WWOX: variants seen among roughly 807,000 people sequenced by gnomAD.
WWOX encodes the protein WW domain containing oxidoreductase.
In WWOX, 69 loss-of-function variants were observed where a neutral mutation model predicts 46.2. That is an observed-to-expected ratio of 1.49 (90% CI 1.23 to 1.82). The LOEUF (loss-of-function observed/expected upper bound fraction) is 1.82, where lower values mean the gene tolerates loss of function less well. Ranked by LOEUF, WWOX falls within the 40% of genes most tolerant of loss-of-function variation. The pLI is 0.00. For synonymous variants in WWOX, 359 were observed against 202.6 expected, an observed-to-expected ratio of 1.77 and a Z score of -6.56; for missense variants, 919 against 542.6, an observed-to-expected ratio of 1.69 and a Z score of -6.89.
intron 5 of WWOX, among the ~76,000 whole-genome samples, chr16:78,164,663 C>G (rs2034913947): frequency 6.6e-6 from 1 of 152,144 alleles, no homozygotes; most frequent in Non-Finnish European, 1.5e-5. Context: ...TAATTTCTTA[C>G]TTTTCTCTGT....
intron 5 of WWOX, among the ~76,000 whole-genome samples, chr16:78,365,573 TC>T (rs1456417879): frequency 6.6e-6 from 1 of 152,164 alleles, no homozygotes; most frequent in Non-Finnish European, 1.5e-5. Context: ...ATTCTGGAAT[TC>T]CCTGAATCAT....
intron 8 of WWOX, among the ~76,000 whole-genome samples, chr16:78,435,210 C>A (rs2083307236): frequency 1.3e-5 from 2 of 152,058 alleles, no homozygotes; most frequent in South Asian, 4.2e-4. Context: ...GGGGAGGATG[C>A]ACAATGAATT....
chr16:78,413,292 G>A (rs2082724685), intron 6 of WWOX, among the ~76,000 whole-genome samples: 1 of 152,180 alleles, frequency 6.6e-6, no homozygotes, highest in Non-Finnish European at 1.5e-5. Flanking sequence ...TCCATGTGAA[G>A]AGACCACCAA....
chr16:79,033,306 A>T (rs1193631128), intron 8 of WWOX, among the ~76,000 whole-genome samples: 1 of 148,438 alleles, frequency 6.7e-6, no homozygotes, highest in Non-Finnish European at 1.5e-5. Context: ...ACATATGTAT[A>T]TATGTATGTA....
At chr16:78,380,939 G>A (rs796715158) in intron 5 of WWOX, among the ~76,000 whole-genome samples, 1 of 152,120 alleles carries the variant, frequency 6.6e-6, no homozygotes, top group East Asian at 1.9e-4. Context: ...TGTGTGGCTT[G>A]TACCTTATAT....
intron 8 of WWOX, among the ~76,000 whole-genome samples, chr16:78,962,444 A>G (rs2046289398): frequency 6.6e-6 from 1 of 151,390 alleles, no homozygotes; most frequent in Middle Eastern, 3.4e-3. Context: ...TTGTAGGCCA[A>G]GCTTACTCTC....
At chr16:78,909,364 A>G (rs2045049450) in intron 8 of WWOX, among the ~76,000 whole-genome samples, 1 of 152,168 alleles carries the variant, frequency 6.6e-6, no homozygotes, top group Admixed American at 6.5e-5. Flanking sequence ...AGCCTCATGT[A>G]TTCTCTGTTC....
intron 8 of WWOX, among the ~76,000 whole-genome samples, chr16:78,816,971 G>C (rs186252642): frequency 1.6e-3 from 239 of 152,058 alleles, no homozygotes; most frequent in Non-Finnish European, 2.6e-3. Flanking sequence ...AAATACCTTG[G>C]GCCTGAGCTA....
Position 79,133,188 on chromosome 16 carries a change from C to T in WWOX, c.1057-78420C>T, listed in dbSNP as rs937524975. Among the ~76,000 whole-genome samples, 8 of 152,174 alleles carry T rather than the reference C, an allele frequency of 5.3e-5. No individual in the cohort carries two copies. In the South Asian group the frequency reaches 1.0e-3, roughly 20 times the overall value. ...TAACAACTTTATTTATGTAATTAAG[C>T]GAGTGAAGTCATACATTTTATTGAT... On this transcript the variant is annotated intron_variant, in intron 8 of 8. Transcript: ENST00000566780.
In WWOX at chr16:78,437,281, C is replaced by A. The variant is rs115650990; in HGVS notation, c.1056+4529C>A. On this transcript the variant is annotated intron_variant, in intron 8 of 8. Transcript: ENST00000566780. ...GTGATTTTAGTTACAGTAATTAGGT[C>A]ACTCTTCATGGAGTCGGGCTATTTT... 5.5e-3 allele frequency among the ~76,000 whole-genome samples: 838 copies of A among 152,264 alleles called. 5 individuals carry two copies. Among genetic ancestry groups the A allele is most frequent in the African/African-American group, 0.019 (796 of 41,562 alleles).
intron 5 of WWOX, among the ~76,000 whole-genome samples, chr16:78,366,484 G>T (rs762193505): frequency 2.6e-5 from 4 of 152,140 alleles, no homozygotes; most frequent in African/African-American, 9.7e-5. Flanking sequence ...ATTGGAACCT[G>T]AATGTAGTAT....
chr16:78,585,738 A>C (rs189193986), intron 8 of WWOX, among the ~76,000 whole-genome samples: 2 of 143,792 alleles, frequency 1.4e-5, no homozygotes, highest in Admixed American at 7.2e-5. Flanking sequence ...TGGCTTCTCC[A>C]CAGAGGCCTG....
At chr16:78,514,449 T>C (rs2085439963) in intron 8 of WWOX, among the ~76,000 whole-genome samples, 1 of 152,156 alleles carries the variant, frequency 6.6e-6, no homozygotes, top group Non-Finnish European at 1.5e-5. Context: ...TTTCCATGTG[T>C]GGAGGTAAAA....
intron 8 of WWOX, among the ~76,000 whole-genome samples, chr16:79,104,992 T>G (rs2049279025): frequency 6.6e-6 from 1 of 152,114 alleles, no homozygotes; most frequent in African/African-American, 2.4e-5. Context: ...AATTTCCTCA[T>G]GATACTGGAA....
intron 5 of WWOX, among the ~76,000 whole-genome samples, chr16:78,312,380 TC>T (rs1025361157): frequency 1.6e-5 from 2 of 123,528 alleles, no homozygotes; most frequent in African/African-American, 6.6e-5. Flanking sequence ...TAGGTCTAAT[TC>T]TTTTTTTTTT....
In WWOX at chr16:78,554,585, G is replaced by A. The variant is rs117431990; in HGVS notation, c.1056+121833G>A. Among the ~76,000 whole-genome samples, 826 of 152,184 alleles carry A rather than the reference G, an allele frequency of 5.4e-3. 6 individuals carry two copies. Among genetic ancestry groups the A allele is most frequent in the Non-Finnish European group, 8.6e-3 (586 of 68,010 alleles). Reference sequence around the variant, plus strand: ...GTATGATACATATCCATGCATATACGTGGGTGTACACACACAGGTACACAC... The same window carrying A: ...GTATGATACATATCCATGCATATACATGGGTGTACACACACAGGTACACAC... On this transcript the variant is annotated intron_variant, in intron 8 of 8. Transcript: ENST00000566780.
At chr16:78,654,341 G>A (rs933190409) in intron 8 of WWOX, among the ~76,000 whole-genome samples, 3 of 152,178 alleles carry the variant, frequency 2.0e-5, no homozygotes, top group African/African-American at 4.8e-5. Context: ...AATCATCATC[G>A]TCATCCTCAT....
At chr16:78,223,031 G>A (rs927083031) in intron 5 of WWOX, among the ~76,000 whole-genome samples, 1 of 152,124 alleles carries the variant, frequency 6.6e-6, no homozygotes, top group African/African-American at 2.4e-5. Flanking sequence ...AGGAGATTCT[G>A]GTTGAAGCTC....
chr16:78,714,947 T>C (rs1597482100), intron 8 of WWOX, among the ~76,000 whole-genome samples: 1 of 152,170 alleles, frequency 6.6e-6, no homozygotes, highest in Non-Finnish European at 1.5e-5. Context: ...GATTGTGATA[T>C]AATATCATGC....
Sources: gnomAD v4.1 joint callset for allele counts (sites outside exome capture counted in the v4.1 genomes callset) on GRCh38, gnomAD v4.1.1 for gene constraint, MANE v1.5 for transcripts, NCBI Gene and HGNC (gene_info 2026-07-23, HGNC 2026-07-21) for gene names.